The following MDH2 variants were observed in gnomAD, a reference collection of about 807,000 sequenced individuals.
MDH2 encodes malate dehydrogenase, mitochondrial.
Under a neutral mutation model 33.6 loss-of-function variants are expected in MDH2, and 25 were observed. That is an observed-to-expected ratio of 0.74 (90% confidence interval 0.54 to 1.04). MDH2 has a LOEUF of 1.04. Among genes scored for constraint, MDH2 ranks in the 50% least tolerant of loss-of-function variants. MDH2 has a pLI of 0.00. For synonymous variants in MDH2, 193 were observed against 188.7 expected (o/e 1.02, Z -0.19); for missense variants, 432 against 445.0 (o/e 0.97, Z 0.26).
At chr7:76,062,538 G>A (rs1554587163) in intron 5 of MDH2, among the ~76,000 whole-genome samples, 1 of 152,186 alleles carries the variant, frequency 6.6e-6, no homozygotes, top group Non-Finnish European at 1.5e-5. Context: ...CTAGGACTGG[G>A]CTCTTCAGTG....
In MDH2 at chr7:76,057,954, T is replaced by C. The variant is rs1341406188; in HGVS notation, c.320-15T>C. 1 of 1,612,156 alleles carries C rather than the reference T, an allele frequency of 6.2e-7. No homozygotes were observed. Among genetic ancestry groups the C allele is most frequent in the African/African-American group, 1.3e-5 (1 of 74,910 alleles). On this transcript the variant is annotated splice_polypyrimidine_tract_variant and intron_variant, in intron 3 of 8. Transcript: ENST00000315758. ...TGGTGTTCTCTGTTAACATCTCATA[T>C]TGGATCATTTCCAGGCATGACCCGG...
chr7:76,048,424 G>A (rs1298437120), intron 1 of MDH2, 198 bp downstream of exon 1: 5 of 1,120,238 alleles, frequency 4.5e-6, no homozygotes, highest in South Asian at 1.7e-5. Context: ...GGGAAAAGGG[G>A]GCGAGGTAGT....
chr7:76,054,774 G>A (rs1797719595), intron 1 of MDH2, 56 bp from the exon 2 acceptor site: 2 of 1,604,870 alleles, frequency 1.2e-6, no homozygotes, highest in Non-Finnish European at 1.7e-6. Flanking sequence ...GATACCATGT[G>A]AATCCTTTTC....
chr7:76,054,733 C>T, intron 1 of MDH2, 97 bp from the exon 2 acceptor site: 1 of 1,362,812 alleles, frequency 7.3e-7, no homozygotes, highest in Non-Finnish European at 1.0e-6. Context: ...TTGGCAACTG[C>T]AGTAAAAAGA....
chr7:76,048,987 G>GA, intron 1 of MDH2: 4 of 37,440 alleles, frequency 1.1e-4, no homozygotes, highest in Non-Finnish European at 4.3e-5. Context: ...ACTGCGGGGG[G>GA]GGGGGGGGGG....
At chr7:76,056,575 A>C (rs1179076939) in intron 2 of MDH2, among the ~76,000 whole-genome samples, 2 of 152,244 alleles carry the variant, frequency 1.3e-5, no homozygotes, top group Non-Finnish European at 2.9e-5. Context: ...GTCAAGATCG[A>C]AGCAGATTTT....
At chr7:76,052,774 G>A (rs1450055288) in intron 1 of MDH2, among the ~76,000 whole-genome samples, 3 of 152,108 alleles carry the variant, frequency 2.0e-5, no homozygotes, top group African/African-American at 7.2e-5. Context: ...TCAAAGTCCT[G>A]ACTTAAGGTG....
intron 4 of MDH2, among the ~76,000 whole-genome samples, chr7:76,059,945 C>T (rs574259182): frequency 1.3e-5 from 2 of 152,222 alleles, no homozygotes; most frequent in African/African-American, 4.8e-5. Context: ...AAAAACGGGT[C>T]CCAGGGAGTT....
chr7:76,057,290 T>A (rs1797812616), intron 2 of MDH2, 120 bp from the exon 3 acceptor site: 1 of 954,918 alleles, frequency 1.0e-6, no homozygotes, highest in Admixed American at 2.6e-5. Context: ...GAAGTCACGT[T>A]ACAGGCAGGG....
Position 76,066,550 on chromosome 7 carries a change from T to A in MDH2, c.*140T>A. 4 of 1,085,982 alleles carry A rather than the reference T, an allele frequency of 3.7e-6. No individual in the cohort carries two copies. Among genetic ancestry groups the A allele is most frequent in the Non-Finnish European group, 2.5e-6 (2 of 808,000 alleles). 67.3% of individuals were successfully genotyped at this position (1,085,982 alleles called of 1,614,324 possible). On this transcript the variant is annotated 3_prime_UTR_variant, in exon 9 of 9. Transcript: ENST00000315758. ...ATCATCATGCCTTCCAAATTGTGGG[T>A]GGCTCTGTGGGCGCATCAATAAAAG...
intron 1 of MDH2, among the ~76,000 whole-genome samples, chr7:76,053,684 C>T (rs1797685304): frequency 6.6e-6 from 1 of 152,158 alleles, no homozygotes; most frequent in South Asian, 2.1e-4. Context: ...CAGATGACCA[C>T]ACACGGTGCC....
chr7:76,048,446 G>C (rs1554584604), intron 1 of MDH2: 1 of 1,127,118 alleles, frequency 8.9e-7, no homozygotes, highest in East Asian at 3.0e-5. Context: ...CCGCTCCAGG[G>C]CCGGTCCATT....
intron 4 of MDH2, among the ~76,000 whole-genome samples, chr7:76,059,791 G>A (rs1797892951): frequency 6.6e-6 from 1 of 152,176 alleles, no homozygotes; most frequent in African/African-American, 2.4e-5. Flanking sequence ...TCCCTTTGTT[G>A]GGGAGCTAAC....
intron 5 of MDH2, 97 bp from the exon 6 acceptor site, chr7:76,063,418 T>C: frequency 4.2e-6 from 5 of 1,200,974 alleles, no homozygotes; most frequent in Non-Finnish European, 4.9e-6. Flanking sequence ...CCCTGAGTTC[T>C]GGGGGGCTTT....
At chr7:76,052,850 A>T (rs1797666348) in intron 1 of MDH2, among the ~76,000 whole-genome samples, 1 of 151,718 alleles carries the variant, frequency 6.6e-6, no homozygotes, top group Non-Finnish European at 1.5e-5. Context: ...CCCAGAAGAT[A>T]TTTTTTTAAA....
Position 76,054,933 on chromosome 7 carries a change from A to T in MDH2, c.170A>T (p.Asp57Val). 1 of 1,614,044 alleles carries T rather than the reference A, an allele frequency of 6.2e-7. No individual in the cohort carries two copies. ...TTGGTGAGCCGCCTGACCCTCTATG[A>T]TATCGCGCACACACCCGGAGTGGCC... ...SPLVSRLTLY[D>V]IAHTPGVAAD... Residue 57 changes from aspartate (D) to valine (V), a missense_variant, in exon 2 of 9, where the codon GAT (aspartate) becomes GTT (valine). Physicochemically the swap from Asp to Val is radical, Grantham distance 152. Coordinates refer to ENST00000315758, the MANE Select transcript of MDH2 (RefSeq NM_005918.4).
chr7:76,066,191 C>T (rs1443583036), intron 8 of MDH2, 88 bp from the exon 9 acceptor site: 7 of 1,517,836 alleles, frequency 4.6e-6, no homozygotes, highest in Middle Eastern at 1.8e-4. Context: ...AGAGACTCCT[C>T]GGCAGGGCTG....
intron 4 of MDH2, 107 bp from the exon 5 acceptor site, chr7:76,060,266 A>G (rs1329156829): frequency 7.0e-7 from 1 of 1,419,844 alleles, no homozygotes; most frequent in Non-Finnish European, 9.5e-7. Context: ...GCATCTTTGG[A>G]CTAGTTAGAC....
At chr7:76,063,482 T>G (rs1554587285) in intron 5 of MDH2, 33 bp from the exon 6 acceptor site, 2 of 1,603,466 alleles carry the variant, frequency 1.2e-6, no homozygotes, top group Non-Finnish European at 1.7e-6. Context: ...AAAGAGCTTG[T>G]TAACTCATCC....
Sources: allele counts gnomAD v4.1 joint callset (sites outside exome capture counted in the v4.1 genomes callset), GRCh38; gene constraint gnomAD v4.1.1; transcripts MANE v1.5; gene names NCBI Gene and HGNC (gene_info 2026-07-23, HGNC 2026-07-21).